SCPPPQ1: variants seen among roughly 807,000 people sequenced by gnomAD.
SCPPPQ1 encodes secretory calcium-binding phosphoprotein proline-glutamine rich 1, also known as secretory calcium-binding phosphoprotein proline- and glutamine-rich 1.
chr4:87,464,984 G>A, the SCPPPQ1 span, among the ~76,000 whole-genome samples: 3 of 152,066 alleles, frequency 2.0e-5, no homozygotes, highest in East Asian at 5.8e-4. Flanking sequence ...TAAAATTTAA[G>A]CAATTCCTTT....
chr4:87,462,430 A>G, the SCPPPQ1 span: 1 of 152,222 alleles, frequency 6.6e-6, no homozygotes, highest in Non-Finnish European at 1.5e-5. Flanking sequence ...TCTTAAAAAT[A>G]TTAGAACAAC....
the SCPPPQ1 span, among the ~76,000 whole-genome samples, chr4:87,463,972 C>T: frequency 6.6e-6 from 1 of 152,154 alleles, no homozygotes; most frequent in African/African-American, 2.4e-5. Context: ...ACTTGTTGAG[C>T]TGTCTGTCTT....
At chr4:87,470,169 GT>G in the SCPPPQ1 span, among the ~76,000 whole-genome samples, 2 of 146,124 alleles carry the variant, frequency 1.4e-5, no homozygotes, top group African/African-American at 5.6e-5. Context: ...TTGCCCCCCT[GT>G]TGCAAGGATG....
the SCPPPQ1 span, among the ~76,000 whole-genome samples, chr4:87,468,319 G>C: frequency 6.6e-6 from 1 of 152,104 alleles, no homozygotes; most frequent in Admixed American, 6.5e-5. Context: ...GTAAATCTTT[G>C]AATGGTGTTC....
At chr4:87,466,882 T>A in the SCPPPQ1 span, among the ~76,000 whole-genome samples, 1 of 152,108 alleles carries the variant, frequency 6.6e-6, no homozygotes, top group Admixed American at 6.5e-5. Context: ...TATGTGAAGT[T>A]TTAAAATGTA....
At chr4:87,464,462 A>G in the SCPPPQ1 span, among the ~76,000 whole-genome samples, 1 of 151,950 alleles carries the variant, frequency 6.6e-6, no homozygotes, top group Non-Finnish European at 1.5e-5. Flanking sequence ...AGATTATTAA[A>G]CCTATGATTA....
chr4:87,466,992 T>A, the SCPPPQ1 span, among the ~76,000 whole-genome samples: 1 of 152,214 alleles, frequency 6.6e-6, no homozygotes, highest in Admixed American at 6.5e-5. Context: ...TAAAATAATT[T>A]TCTACCCGCA....
the SCPPPQ1 span, among the ~76,000 whole-genome samples, chr4:87,462,548 C>T: frequency 6.6e-6 from 1 of 152,076 alleles, no homozygotes; most frequent in East Asian, 1.9e-4. Context: ...CAGTGAAAGT[C>T]AAAGTAGAAG....
the SCPPPQ1 span, among the ~76,000 whole-genome samples, chr4:87,467,950 A>ATT: frequency 6.6e-6 from 1 of 152,238 alleles, no homozygotes; most frequent in Non-Finnish European, 1.5e-5. Context: ...TGATGAATGC[A>ATT]TTATTTAAAA....
At chr4:87,466,008 A>G in the SCPPPQ1 span, among the ~76,000 whole-genome samples, 4 of 152,222 alleles carry the variant, frequency 2.6e-5, no homozygotes, top group Admixed American at 2.6e-4. Context: ...ATTGTCATAT[A>G]GATTTAAATA....
the SCPPPQ1 span, among the ~76,000 whole-genome samples, chr4:87,466,515 G>A: frequency 2.0e-5 from 3 of 152,142 alleles, no homozygotes; most frequent in East Asian, 5.8e-4. Flanking sequence ...GATTCAATCA[G>A]AACAAGTAAA....
the SCPPPQ1 span, among the ~76,000 whole-genome samples, chr4:87,469,481 G>T: frequency 1.3e-5 from 2 of 152,088 alleles, no homozygotes; most frequent in African/African-American, 4.8e-5. Context: ...GACTTTCCTG[G>T]GTTCCGCTTT....
the SCPPPQ1 span, among the ~76,000 whole-genome samples, chr4:87,470,127 A>G: frequency 1.3e-5 from 2 of 151,758 alleles, no homozygotes; most frequent in Non-Finnish European, 2.9e-5. Context: ...CTAATTTTAA[A>G]AAAATTTTCT....
the SCPPPQ1 span, among the ~76,000 whole-genome samples, chr4:87,465,631 C>CATTTAT: frequency 7.0e-6 from 1 of 143,842 alleles, no homozygotes; most frequent in Non-Finnish European, 1.5e-5. Flanking sequence ...CTTGCTTTTT[C>CATTTAT]TCATTTATTC....
chr4:87,469,476 T>C, the SCPPPQ1 span, among the ~76,000 whole-genome samples: 2 of 152,156 alleles, frequency 1.3e-5, no homozygotes, highest in African/African-American at 4.8e-5. Flanking sequence ...TCTATGACTT[T>C]CCTGGGTTCC....
chr4:87,469,862 C>G, the SCPPPQ1 span, among the ~76,000 whole-genome samples: 5 of 151,580 alleles, frequency 3.3e-5, no homozygotes, highest in Non-Finnish European at 7.4e-5. Context: ...CCATTACTTT[C>G]TACTTTCTTA....
the SCPPPQ1 span, among the ~76,000 whole-genome samples, chr4:87,468,839 A>C: frequency 2.6e-5 from 4 of 152,226 alleles, no homozygotes; most frequent in Admixed American, 6.5e-5. Flanking sequence ...AATTGTTTGG[A>C]ATTTTAGACC....
chr4:87,465,646 A>G, the SCPPPQ1 span, among the ~76,000 whole-genome samples: 7 of 151,602 alleles, frequency 4.6e-5, no homozygotes. Flanking sequence ...TTATTCATAC[A>G]TTCACTCATC....
the SCPPPQ1 span, among the ~76,000 whole-genome samples, chr4:87,464,191 T>C: frequency 6.6e-6 from 1 of 152,164 alleles, no homozygotes; most frequent in African/African-American, 2.4e-5. Context: ...ATAAGATCAT[T>C]AGGTGTGAGG....
Sources: gnomAD v4.1 joint callset for allele counts (sites outside exome capture counted in the v4.1 genomes callset) on GRCh38, gnomAD v4.1.1 for gene constraint, MANE v1.5 for transcripts, NCBI Gene and HGNC (gene_info 2026-07-23, HGNC 2026-07-21) for gene names.